Variants in RAP1A observed in about 807,000 individuals in gnomAD.
RAP1A encodes the protein ras-related protein Rap-1A.
A neutral mutation model predicts 26.4 loss-of-function variants in RAP1A; 6 were observed. The ratio of observed to expected loss-of-function variants is 0.23; its 90% CI spans 0.12 to 0.45. The LOEUF is 0.45. Among genes scored for constraint, RAP1A ranks in the 20% least tolerant of loss-of-function variants. RAP1A has a pLI of 0.99. For synonymous variants in RAP1A, 73 were observed against 79.4 expected (o/e 0.92, Z 0.43); for missense variants, 121 against 217.2 (o/e 0.56, Z 2.78).
chr1:111,709,558 A>T (rs1662311775), intron 7 of RAP1A, among the ~76,000 whole-genome samples: 2 of 152,218 alleles, frequency 1.3e-5, no homozygotes, highest in Admixed American at 6.5e-5. Context: ...ACGCCTTCCT[A>T]GATGACTCCC....
chr1:111,587,149 C>A (rs1305814805), intron 1 of RAP1A, among the ~76,000 whole-genome samples: 2 of 152,120 alleles, frequency 1.3e-5, no homozygotes, highest in African/African-American at 4.8e-5. Context: ...CGACTTCCTG[C>A]CTTCTGCATC....
chr1:111,611,489 A>T (rs888681366), intron 1 of RAP1A, among the ~76,000 whole-genome samples: 3 of 152,232 alleles, frequency 2.0e-5, no homozygotes, highest in African/African-American at 4.8e-5. Context: ...ATGTCAATTT[A>T]AAAAAAGTAA....
At chr1:111,653,717 T>C (rs1415646104) in intron 1 of RAP1A, among the ~76,000 whole-genome samples, 1 of 149,242 alleles carries the variant, frequency 6.7e-6, no homozygotes, top group Non-Finnish European at 1.5e-5. Flanking sequence ...AAAGGTGGAT[T>C]TTACAGTGTA....
At chr1:111,662,354 C>G (rs1214017021) in intron 1 of RAP1A, among the ~76,000 whole-genome samples, 2 of 140,450 alleles carry the variant, frequency 1.4e-5, no homozygotes. Context: ...GAGGTAGCAC[C>G]ATCGTATTCA....
intron 1 of RAP1A, among the ~76,000 whole-genome samples, chr1:111,606,969 C>G (rs927353480): frequency 1.3e-5 from 2 of 152,132 alleles, no homozygotes; most frequent in African/African-American, 4.8e-5. Context: ...TGAGGCCTTA[C>G]AATGGCCACA....
intron 1 of RAP1A, among the ~76,000 whole-genome samples, chr1:111,596,109 CA>C (rs1157863280): frequency 2.0e-5 from 3 of 152,156 alleles, no homozygotes; most frequent in Non-Finnish European, 4.4e-5. Context: ...AACAGATAAA[CA>C]TAAGTGCAAT....
intron 1 of RAP1A, among the ~76,000 whole-genome samples, chr1:111,629,863 G>C (rs1000564318): frequency 1.3e-5 from 2 of 152,122 alleles, no homozygotes; most frequent in African/African-American, 4.8e-5. Flanking sequence ...CAAACTATAA[G>C]AGTCTCTTTT....
At chr1:111,596,771 C>T (rs1658571220) in intron 1 of RAP1A, among the ~76,000 whole-genome samples, 1 of 152,202 alleles carries the variant, frequency 6.6e-6, no homozygotes, top group Admixed American at 6.5e-5. Context: ...TGAGGAAACT[C>T]ACCAGAGTCC....
intron 1 of RAP1A, among the ~76,000 whole-genome samples, chr1:111,545,925 T>C (rs2101029617): frequency 6.6e-6 from 1 of 152,288 alleles, no homozygotes; most frequent in South Asian, 2.1e-4. Context: ...AAATCAATTG[T>C]CCACAGGTGG....
intron 1 of RAP1A, chr1:111,648,613 G>A (rs1270809570): frequency 3.8e-6 from 2 of 525,306 alleles, no homozygotes; most frequent in Admixed American, 2.5e-5. Context: ...ACCTCCCTCA[G>A]TCTGTTCTAC....
chr1:111,572,022 CT>C (rs201285224), intron 1 of RAP1A, among the ~76,000 whole-genome samples: 1 of 23,818 alleles, frequency 4.2e-5, no homozygotes, highest in African/African-American at 1.4e-4. Context: ...CCCTTGGCAC[CT>C]CCTGCAGCTG....
At chr1:111,633,818 G>T (rs1363121564) in intron 1 of RAP1A, among the ~76,000 whole-genome samples, 2 of 152,186 alleles carry the variant, frequency 1.3e-5, no homozygotes, top group Non-Finnish European at 2.9e-5. Context: ...GGGTTGGAGG[G>T]TTTTAGATGA....
chr1:111,626,404 T>TGC (rs1659400701), intron 1 of RAP1A, among the ~76,000 whole-genome samples: 1 of 151,006 alleles, frequency 6.6e-6, no homozygotes, highest in African/African-American at 2.4e-5. Context: ...CACACACATA[T>TGC]GCATGTATAT....
At chr1:111,567,381 C>T (rs1208554369) in intron 1 of RAP1A, among the ~76,000 whole-genome samples, 1 of 152,156 alleles carries the variant, frequency 6.6e-6, no homozygotes, top group African/African-American at 2.4e-5. Context: ...GAAACTTTGT[C>T]AGCTAAAAGT....
chr1:111,606,602 C>T (rs1658784639), intron 1 of RAP1A, among the ~76,000 whole-genome samples: 1 of 152,154 alleles, frequency 6.6e-6, no homozygotes, highest in South Asian at 2.1e-4. Context: ...TAGCACCATA[C>T]AGGGAGTCTG....
At position 111,568,237 on chromosome 1, in the gene RAP1A, T is replaced by C. The variant is rs61788214; in HGVS notation, c.-28+25728T>C. Among the ~76,000 whole-genome samples, 207 of 152,254 alleles carry C rather than the reference T, an allele frequency of 1.4e-3. 2 individuals carry two copies. Among genetic ancestry groups the C allele is most frequent in the Admixed American group, 2.3e-3 (35 of 15,300 alleles). ...TTATAAAGAAAAGAGGCTTAATTGG[T>C]TCATGGTTCTGCAGGCTGTACAGGA... On this transcript the variant is annotated intron_variant, in intron 1 of 7. Coordinates refer to the RAP1A transcript ENST00000356415.
chr1:111,670,198 G>A (rs1161920194), intron 1 of RAP1A, among the ~76,000 whole-genome samples: 4 of 152,156 alleles, frequency 2.6e-5, no homozygotes, highest in East Asian at 3.9e-4. Context: ...GGTCCCAGGC[G>A]CATTGGTGCA....
chr1:111,653,009 C>T (rs1268340629), intron 1 of RAP1A, among the ~76,000 whole-genome samples: 1 of 152,108 alleles, frequency 6.6e-6, no homozygotes, highest in Non-Finnish European at 1.5e-5. Flanking sequence ...GTGGAAAGAA[C>T]CCAAATGTCC....
At chr1:111,705,921 T>C (rs1405456789) in intron 6 of RAP1A, among the ~76,000 whole-genome samples, 2 of 152,172 alleles carry the variant, frequency 1.3e-5, no homozygotes, top group Non-Finnish European at 2.9e-5. Context: ...GACTCCAGGC[T>C]CCGGTGGGGC....
Sources: allele counts gnomAD v4.1 joint callset (sites outside exome capture counted in the v4.1 genomes callset), GRCh38; gene constraint gnomAD v4.1.1; transcripts MANE v1.5; gene names NCBI Gene and HGNC (gene_info 2026-07-23, HGNC 2026-07-21).